The following EXOC4 variants were observed in gnomAD, a reference collection of about 807,000 sequenced individuals.
The protein encoded by EXOC4 is SEC8-like 1.
A neutral mutation model predicts 107.2 loss-of-function variants in EXOC4; 71 were observed. That is an observed-to-expected ratio of 0.66 (90% CI 0.55 to 0.81). The LOEUF (loss-of-function observed/expected upper bound fraction) is 0.81. Ranked by LOEUF, EXOC4 falls within the 30% of genes least tolerant of loss-of-function variation. The pLI, the probability that EXOC4 is intolerant of heterozygous loss-of-function variation, is 0.00. For missense variants in EXOC4, 1,108 were observed against 1,189.6 expected, an observed-to-expected ratio of 0.93 and a Z score of 1.01; for synonymous variants, 456 against 441.2, an observed-to-expected ratio of 1.03 and a Z score of -0.42.
intron 3 of EXOC4, among the ~76,000 whole-genome samples, chr7:133,299,726 G>C (rs541477231): frequency 5.9e-5 from 9 of 152,018 alleles, no homozygotes; most frequent in Admixed American, 3.9e-4. Flanking sequence ...TATCTTGCAG[G>C]CCCCCCTCCC....
intron 10 of EXOC4, among the ~76,000 whole-genome samples, chr7:133,724,485 T>C (rs1174680223): frequency 1.3e-5 from 2 of 152,240 alleles, no homozygotes; most frequent in African/African-American, 4.8e-5. Flanking sequence ...AGATATTTAT[T>C]GAGCATCTAC....
At chr7:133,773,900 A>G (rs1201876823) in intron 10 of EXOC4, among the ~76,000 whole-genome samples, 3 of 152,050 alleles carry the variant, frequency 2.0e-5, no homozygotes, top group African/African-American at 7.2e-5. Context: ...TTATGGTGGT[A>G]GTGGTTTTAA....
chr7:133,717,110 TA>T (rs921819324), intron 10 of EXOC4, among the ~76,000 whole-genome samples: 1 of 152,026 alleles, frequency 6.6e-6, no homozygotes, highest in Non-Finnish European at 1.5e-5. Flanking sequence ...TAGATTCCAA[TA>T]AAAAAAATTC....
In EXOC4 at chr7:133,610,643, G is replaced by C. The variant is rs548168434; in HGVS notation, c.1418-19402G>C. On this transcript the variant is annotated intron_variant, in intron 9 of 17. Coordinates refer to ENST00000253861, the MANE Select transcript of EXOC4 (RefSeq NM_021807.4). ...CCACTTTTTTTTATATTCTTGAATA[G>C]AGCTCTAAATCTTAAACCTGCTTTC... Among the ~76,000 whole-genome samples, 6 of 151,590 alleles carry C rather than the reference G, an allele frequency of 4.0e-5. No individual in the cohort carries two copies. The East Asian group carries it at 1.2e-3, about 29-fold the overall frequency.
chr7:133,785,357 T>A (rs1222344235), intron 10 of EXOC4, among the ~76,000 whole-genome samples: 1 of 139,620 alleles, frequency 7.2e-6, no homozygotes, highest in African/African-American at 2.7e-5. Context: ...TCTTTGACAC[T>A]TCCATAGAAT....
At chr7:133,706,989 T>G (rs975483415) in intron 10 of EXOC4, among the ~76,000 whole-genome samples, 5 of 152,118 alleles carry the variant, frequency 3.3e-5, no homozygotes, top group Non-Finnish European at 5.9e-5. Context: ...CCATAGCATT[T>G]ATAACCTCAA....
At chr7:133,387,975 G>T (rs1796765975) in intron 7 of EXOC4, among the ~76,000 whole-genome samples, 1 of 150,742 alleles carries the variant, frequency 6.6e-6, no homozygotes, top group South Asian at 2.1e-4. Flanking sequence ...GGCTTTGGGG[G>T]GTTTGTTTGT....
At chr7:133,569,517 C>A (rs759336956) in intron 9 of EXOC4, among the ~76,000 whole-genome samples, 8 of 152,130 alleles carry the variant, frequency 5.3e-5, no homozygotes, top group Non-Finnish European at 1.0e-4. Flanking sequence ...CTTTTAAAAA[C>A]CAAGTGTAGA....
chr7:133,271,687 C>T lies in EXOC4; in HGVS notation c.87-3295C>T, dbSNP rs141584894. On this transcript the variant is annotated intron_variant, in intron 1 of 17. Coordinates refer to ENST00000253861, the MANE Select transcript of EXOC4 (RefSeq NM_021807.4). ...TTCTCTTTGGGCCCATCTGCCTAAC[C>T]CTTGTGGGACTTGGGGGCAAGGGGA... Among the ~76,000 whole-genome samples the T allele has an allele frequency of 1.2e-4, 18 of 152,262 alleles. No individual in the cohort carries two copies. In the East Asian group the frequency reaches 3.3e-3, roughly 28 times the overall value.
At chr7:133,952,659 C>A (rs1169645031) in intron 14 of EXOC4, among the ~76,000 whole-genome samples, 1 of 152,188 alleles carries the variant, frequency 6.6e-6, no homozygotes, top group Admixed American at 6.5e-5. Context: ...TTCTCCTTCC[C>A]TCCAGCCCTT....
intron 10 of EXOC4, among the ~76,000 whole-genome samples, chr7:133,749,533 CA>C (rs1795746218): frequency 6.6e-6 from 1 of 151,706 alleles, no homozygotes; most frequent in Admixed American, 6.6e-5. Flanking sequence ...GCTGAGACTA[CA>C]GGGGCGCACC....
chr7:133,857,952 T>G (rs1399867233), intron 11 of EXOC4, among the ~76,000 whole-genome samples: 1 of 152,148 alleles, frequency 6.6e-6, no homozygotes, highest in Non-Finnish European at 1.5e-5. Flanking sequence ...GCCCCATTGC[T>G]GCTTCCCGTC....
At chr7:133,293,510 C>T (rs1470611985) in intron 3 of EXOC4, among the ~76,000 whole-genome samples, 2 of 152,190 alleles carry the variant, frequency 1.3e-5, no homozygotes, top group African/African-American at 4.8e-5. Context: ...TATTTTAAGG[C>T]AGATGCAGAT....
chr7:133,467,624 GTGTAC>G (rs1798763843), intron 7 of EXOC4, among the ~76,000 whole-genome samples: 1 of 143,322 alleles, frequency 7.0e-6, no homozygotes, highest in African/African-American at 2.6e-5. Flanking sequence ...AAGTTTGTCA[GTGTAC>G]TCCCTTTCCA....
intron 11 of EXOC4, among the ~76,000 whole-genome samples, chr7:133,827,689 T>C (rs1207199599): frequency 6.6e-6 from 1 of 152,192 alleles, no homozygotes; most frequent in African/African-American, 2.4e-5. Context: ...TCATAATGTA[T>C]TTGGAACAGA....
chr7:133,520,870 T>C (rs1369593667), intron 9 of EXOC4, among the ~76,000 whole-genome samples: 1 of 152,190 alleles, frequency 6.6e-6, no homozygotes, highest in Admixed American at 6.5e-5. Flanking sequence ...CATTTATGCC[T>C]TTCCCTGTTT....
chr7:133,875,563 C>CT (rs1021096998), intron 11 of EXOC4, among the ~76,000 whole-genome samples: 1 of 152,022 alleles, frequency 6.6e-6, no homozygotes, highest in Non-Finnish European at 1.5e-5. Context: ...CTGTGCTTCC[C>CT]GAGGCTGGTC....
intron 9 of EXOC4, among the ~76,000 whole-genome samples, chr7:133,592,259 T>C (rs1563119642): frequency 6.6e-6 from 1 of 151,944 alleles, no homozygotes; most frequent in South Asian, 2.1e-4. Flanking sequence ...ATAGATGGGG[T>C]CTTGCCATGT....
At chr7:133,585,556 A>G (rs1023794608) in intron 9 of EXOC4, among the ~76,000 whole-genome samples, 6 of 152,030 alleles carry the variant, frequency 3.9e-5, no homozygotes, top group Admixed American at 3.3e-4. Flanking sequence ...AGCCTGGAAG[A>G]TTGACACTGC....
Sources: allele counts gnomAD v4.1 joint callset (sites outside exome capture counted in the v4.1 genomes callset), GRCh38; gene constraint gnomAD v4.1.1; transcripts MANE v1.5; gene names NCBI Gene and HGNC (gene_info 2026-07-23, HGNC 2026-07-21).